The following SEMA6A variants were observed in gnomAD, a reference collection of about 807,000 sequenced individuals.
SEMA6A encodes semaphorin-6A.
Under a neutral mutation model 96.8 loss-of-function variants are expected in SEMA6A, and 25 were observed. The observed-to-expected ratio is 0.26, with a 90% CI of 0.19 to 0.36. The LOEUF (loss-of-function observed/expected upper bound fraction) is 0.36, where lower values mean the gene tolerates loss of function less well. Ranked by LOEUF, SEMA6A falls within the 10% of genes least tolerant of loss-of-function variation. The probability of loss-of-function intolerance (pLI) is 1.00; values close to 1 mark genes in which losing one functional copy is unlikely to be tolerated. For synonymous variants in SEMA6A, 612 were observed against 518.0 expected (o/e 1.18, Z -2.46); for missense variants, 1,363 against 1,323.1 (o/e 1.03, Z -0.47).
At chr5:116,518,151 C>A (rs1292020634) in intron 1 of SEMA6A, among the ~76,000 whole-genome samples, 1 of 152,182 alleles carries the variant, frequency 6.6e-6, no homozygotes, top group Non-Finnish European at 1.5e-5. Context: ...GGGAGGACAA[C>A]TGTTATCTTG....
chr5:116,563,429 A>G (rs1014026294), intron 1 of SEMA6A, among the ~76,000 whole-genome samples: 6 of 152,188 alleles, frequency 3.9e-5, no homozygotes, highest in Non-Finnish European at 8.8e-5. Flanking sequence ...TTTCCTTGTA[A>G]TGAGAATCTA....
At position 116,541,076 on chromosome 5, in the gene SEMA6A, T is replaced by G. The variant is rs568820796; in HGVS notation, c.-39+33109A>C. Among the ~76,000 whole-genome samples, 25 of 152,338 alleles carry G rather than the reference T, an allele frequency of 1.6e-4. No homozygotes were observed. The South Asian group carries it at 2.7e-3, about 16-fold the overall frequency. On this transcript the variant is annotated intron_variant, in intron 1 of 18. Transcript: ENST00000343348. The stretch of plus-strand genomic sequence containing the variant: ...TGGAAGAAACTACAGGAGTCAAATC[T>G]ACATCATGTCTTTTTCAGGCTGCAA...
At chr5:116,472,208 T>C (rs1186550128) in intron 17 of SEMA6A, 1 of 152,164 alleles carries the variant, frequency 6.6e-6, no homozygotes, top group Non-Finnish European at 1.5e-5. Flanking sequence ...ATATAAAGAG[T>C]TCAGAATATT....
chr5:116,528,566 A>G (rs551706938), intron 1 of SEMA6A, among the ~76,000 whole-genome samples: 20 of 152,334 alleles, frequency 1.3e-4, no homozygotes, highest in African/African-American at 4.3e-4. Context: ...CAGAGGTGTC[A>G]TCATTCTGCC....
At chr5:116,572,414 T>A (rs559045207) in intron 1 of SEMA6A, among the ~76,000 whole-genome samples, 4 of 152,342 alleles carry the variant, frequency 2.6e-5, no homozygotes, top group Admixed American at 2.0e-4. Context: ...CCCAGTGCGA[T>A]ACAGGCCGGA....
chr5:116,571,111 A>T (rs888153349), intron 1 of SEMA6A, among the ~76,000 whole-genome samples: 40 of 150,698 alleles, frequency 2.7e-4, no homozygotes, highest in African/African-American at 9.5e-4. Context: ...GAAGGCATAT[A>T]TTTTTTTTTT....
intron 18 of SEMA6A, 88 bp from the exon 19 acceptor site, chr5:116,447,899 C>A: frequency 1.8e-6 from 2 of 1,099,532 alleles, no homozygotes; most frequent in South Asian, 1.6e-5. Context: ...TAATTAATAA[C>A]AGTAGTAAGT....
At position 116,524,216 on chromosome 5, in the gene SEMA6A, A is replaced by C. The variant is rs114737346; in HGVS notation, c.-38-19234T>G. The stretch of plus-strand genomic sequence containing the variant: ...TCCCACCCAGATGCTGTGGAGAAGA[A>C]GCCATGTGAATACTGCACGAGGAAG... On this transcript the variant is annotated intron_variant, in intron 1 of 18. Transcript: ENST00000343348. Among the ~76,000 whole-genome samples, 1,020 of 152,326 alleles carry C rather than the reference A, an allele frequency of 6.7e-3. 8 individuals carry two copies. Among genetic ancestry groups the C allele is most frequent in the African/African-American group, 0.023 (961 of 41,578 alleles).
rs1757065571 is a variant in SEMA6A, at chr5:116,486,694, G to A, written c.962+55C>T. The A allele has an allele frequency of 1.5e-5, 22 of 1,447,256 alleles. No individual in the cohort carries two copies. In the South Asian group the frequency reaches 2.5e-4, roughly 16 times the overall value. 89.7% of individuals were successfully genotyped at this position (1,447,256 alleles called of 1,614,324 possible). On this transcript the variant is annotated intron_variant, in intron 10 of 18. Coordinates refer to ENST00000343348, the MANE Select transcript of SEMA6A (RefSeq NM_020796.5). ...ATGGTTTATTAGAAGAGAACCCCCT[G>A]GGAGAAGGAAGCCAGGAAGAATTGA... is the stretch of plus-strand genomic sequence containing the variant.
chr5:116,514,499 T>G (rs961649286), intron 1 of SEMA6A, among the ~76,000 whole-genome samples: 2 of 152,180 alleles, frequency 1.3e-5, no homozygotes, highest in African/African-American at 4.8e-5. Flanking sequence ...TTGTGTAAAC[T>G]GTTTACAATA....
At chr5:116,449,256 G>A (rs918841523) in intron 18 of SEMA6A, 25 of 701,144 alleles carry the variant, frequency 3.6e-5, no homozygotes, top group Middle Eastern at 4.6e-4. Context: ...GGCACTGCAT[G>A]GGCTGAGGAA....
At chr5:116,516,994 A>ATC (rs1286720380) in intron 1 of SEMA6A, among the ~76,000 whole-genome samples, 13 of 152,184 alleles carry the variant, frequency 8.5e-5, no homozygotes, top group African/African-American at 3.1e-4. Context: ...ACGATTTGCT[A>ATC]TCCCCTGTTT....
chr5:116,548,487 T>C (rs888516551), intron 1 of SEMA6A, among the ~76,000 whole-genome samples: 2 of 152,308 alleles, frequency 1.3e-5, no homozygotes, highest in African/African-American at 4.8e-5. Context: ...CTTCATGGTA[T>C]TTGTGTTACT....
Position 116,540,447 on chromosome 5 carries a change from A to C in SEMA6A, c.-39+33738T>G, listed in dbSNP as rs866744056. On this transcript the variant is annotated intron_variant, in intron 1 of 18. Coordinates refer to ENST00000343348, the MANE Select transcript of SEMA6A (RefSeq NM_020796.5). ...AAACTCCTGCTTTAGGTGTTCACAA[A>C]AGATCCCTTGATTTCTGGCTATAGC... Among the ~76,000 whole-genome samples the C allele has an allele frequency of 2.6e-4, 39 of 152,282 alleles. No individual in the cohort carries two copies. The Middle Eastern group carries it at 0.01, about 40-fold the overall frequency.
intron 4 of SEMA6A, among the ~76,000 whole-genome samples, chr5:116,496,554 A>G (rs532018693): frequency 3.9e-5 from 6 of 152,342 alleles, no homozygotes; most frequent in African/African-American, 1.4e-4. Flanking sequence ...TGAGATAAAG[A>G]TGAAGGAGAA....
chr5:116,479,131 T>C (rs2112690382), intron 12 of SEMA6A, among the ~76,000 whole-genome samples: 1 of 152,338 alleles, frequency 6.6e-6, no homozygotes, highest in African/African-American at 2.4e-5. Flanking sequence ...GATTTCTCCA[T>C]ACTCTTCCTC....
At position 116,496,287 on chromosome 5, in the gene SEMA6A, G is replaced by A. The variant is rs528686216; in HGVS notation, c.306C>T (p.Ala102=). ...CCTTCATTCTGCATGTGTCTACATC[G>A]GCCTGTCTAGATTTCCATGTCAGTT... The part of the protein sequence containing the change: ...SKKLTWKSRQ[A]DVDTCRMKGK... Residue 102 remains alanine, a synonymous_variant, in exon 5 of 19, where the codon GCC becomes GCT. Coordinates refer to ENST00000343348, the MANE Select transcript of SEMA6A (RefSeq NM_020796.5). 1.1e-4 allele frequency: 173 copies of A among 1,613,622 alleles called. 1 individual carries two copies. Among genetic ancestry groups the A allele is most frequent in the African/African-American group, 2.7e-4 (20 of 74,986 alleles).
intron 1 of SEMA6A, among the ~76,000 whole-genome samples, chr5:116,529,212 G>A (rs1420455590): frequency 5.9e-5 from 9 of 152,162 alleles, no homozygotes; most frequent in Non-Finnish European, 1.5e-5. Flanking sequence ...ACAGCTATAA[G>A]AGAGTGTTGA....
At chr5:116,512,825 G>A (rs1357146583) in intron 1 of SEMA6A, among the ~76,000 whole-genome samples, 4 of 151,990 alleles carry the variant, frequency 2.6e-5, no homozygotes, top group Non-Finnish European at 2.9e-5. Flanking sequence ...CTATAGTCAC[G>A]ACCTTAGTAG....
Sources: gnomAD v4.1 joint callset for allele counts (sites outside exome capture counted in the v4.1 genomes callset) on GRCh38, gnomAD v4.1.1 for gene constraint, MANE v1.5 for transcripts, NCBI Gene and HGNC (gene_info 2026-07-23, HGNC 2026-07-21) for gene names.